Variants in CNTN3 observed in about 807,000 individuals in gnomAD.
The protein encoded by CNTN3 is contactin 3, also known as contactin-3.
Under a neutral mutation model 119.1 loss-of-function variants are expected in CNTN3, and 60 were observed. That is an observed-to-expected ratio of 0.50 (90% CI 0.41 to 0.62). The LOEUF (loss-of-function observed/expected upper bound fraction) is 0.62, where lower values mean the gene tolerates loss of function less well. Ranked by LOEUF, CNTN3 falls within the 20% of genes least tolerant of loss-of-function variation. The probability of loss-of-function intolerance (pLI) is 0.00; values close to 1 mark genes in which losing one functional copy is unlikely to be tolerated. For synonymous variants in CNTN3, 450 were observed against 438.7 expected (o/e 1.03, Z -0.32); for missense variants, 1,101 against 1,242.4 (o/e 0.89, Z 1.71).
At chr3:74,289,182 C>T (rs778290144) in intron 19 of CNTN3, among the ~76,000 whole-genome samples, 19 of 152,272 alleles carry the variant, frequency 1.2e-4, no homozygotes, top group Non-Finnish European at 2.4e-4. Context: ...TAAGAAAAGA[C>T]ATATTTTTAT....
intron 4 of CNTN3, among the ~76,000 whole-genome samples, chr3:74,436,845 A>G (rs544375634): frequency 1.3e-3 from 199 of 152,296 alleles, no homozygotes; most frequent in South Asian, 2.1e-3. Context: ...GCAAAGTAAA[A>G]CAGCAATTGG....
intron 2 of CNTN3, among the ~76,000 whole-genome samples, chr3:74,510,928 T>G (rs1186135962): frequency 6.6e-6 from 1 of 152,114 alleles, no homozygotes; most frequent in East Asian, 1.9e-4. Flanking sequence ...GCTTTTCAGA[T>G]AGAACCTGGG....
chr3:74,451,744 T>C (rs1702159931), intron 4 of CNTN3, among the ~76,000 whole-genome samples: 1 of 150,908 alleles, frequency 6.6e-6, no homozygotes, highest in Non-Finnish European at 1.5e-5. Flanking sequence ...GCTAGCCAGT[T>C]TTCCCAGCAC....
chr3:74,515,220 A>T (rs1337303762), intron 2 of CNTN3, among the ~76,000 whole-genome samples: 1 of 152,066 alleles, frequency 6.6e-6, no homozygotes, highest in East Asian at 1.9e-4. Flanking sequence ...CAGAACATAG[A>T]AAGTATGTGG....
intron 1 of CNTN3, among the ~76,000 whole-genome samples, chr3:74,537,104 C>A (rs1287379408): frequency 1.3e-5 from 2 of 151,878 alleles, no homozygotes; most frequent in East Asian, 1.9e-4. Flanking sequence ...GGAGGAGGAA[C>A]AATAGTACAA....
At chr3:74,526,765 T>C (rs1703625529) in intron 1 of CNTN3, among the ~76,000 whole-genome samples, 1 of 151,896 alleles carries the variant, frequency 6.6e-6, no homozygotes, top group Admixed American at 6.6e-5. Flanking sequence ...CGGCTGGAAG[T>C]CATCCCATGC....
At chr3:74,389,870 T>C (rs1471221697) in intron 5 of CNTN3, among the ~76,000 whole-genome samples, 2 of 152,128 alleles carry the variant, frequency 1.3e-5, no homozygotes, top group Non-Finnish European at 2.9e-5. Flanking sequence ...GAAACTACAA[T>C]TTAGATCCCA....
intron 4 of CNTN3, among the ~76,000 whole-genome samples, chr3:74,468,571 T>C (rs1388771115): frequency 2.0e-5 from 3 of 152,182 alleles, no homozygotes; most frequent in Non-Finnish European, 2.9e-5. Flanking sequence ...AATATCTTAA[T>C]TGAATTATCT....
At chr3:74,478,400 G>C (rs1436139223) in intron 4 of CNTN3, among the ~76,000 whole-genome samples, 1 of 152,086 alleles carries the variant, frequency 6.6e-6, no homozygotes, top group South Asian at 2.1e-4. Flanking sequence ...TCTCAAAAAA[G>C]GGTAAGGAGA....
intron 5 of CNTN3, among the ~76,000 whole-genome samples, chr3:74,401,273 A>G (rs1277650290): frequency 1.3e-5 from 2 of 152,216 alleles, no homozygotes; most frequent in African/African-American, 4.8e-5. Flanking sequence ...TTTAACCAAG[A>G]TTTTTAAATG....
At chr3:74,341,302 G>A (rs1296251666) in intron 11 of CNTN3, among the ~76,000 whole-genome samples, 2 of 152,150 alleles carry the variant, frequency 1.3e-5, no homozygotes, top group Admixed American at 1.3e-4. Flanking sequence ...GAGATTCAAA[G>A]TGAAAATTTT....
At chr3:74,607,496 G>A (rs1705012734) in intron 1 of CNTN3, among the ~76,000 whole-genome samples, 1 of 152,122 alleles carries the variant, frequency 6.6e-6, no homozygotes, top group South Asian at 2.1e-4. Context: ...CTGCCCTAGT[G>A]GCATCAAAAT....
At chr3:74,394,067 A>G (rs1455360826) in intron 5 of CNTN3, among the ~76,000 whole-genome samples, 1 of 152,168 alleles carries the variant, frequency 6.6e-6, no homozygotes, top group East Asian at 1.9e-4. Flanking sequence ...AGCCAAAAAG[A>G]AGAAGAATAA....
At chr3:74,353,812 C>T (rs945362857) in intron 11 of CNTN3, among the ~76,000 whole-genome samples, 1 of 151,992 alleles carries the variant, frequency 6.6e-6, no homozygotes, top group African/African-American at 2.4e-5. Flanking sequence ...AATTTAAATA[C>T]AGTATAATAC....
At chr3:74,605,530 C>T (rs1034153164) in intron 1 of CNTN3, among the ~76,000 whole-genome samples, 3 of 152,080 alleles carry the variant, frequency 2.0e-5, no homozygotes, top group Non-Finnish European at 4.4e-5. Flanking sequence ...TTGAATTTGA[C>T]CTGAGCTCAG....
At chr3:74,487,846 G>T (rs1006639376) in intron 3 of CNTN3, among the ~76,000 whole-genome samples, 1 of 151,776 alleles carries the variant, frequency 6.6e-6, no homozygotes, top group Non-Finnish European at 1.5e-5. Flanking sequence ...CTCAAGCAAT[G>T]GTGCATAAAA....
intron 2 of CNTN3, among the ~76,000 whole-genome samples, chr3:74,504,462 A>T (rs1203815144): frequency 6.6e-6 from 1 of 152,172 alleles, no homozygotes; most frequent in Non-Finnish European, 1.5e-5. Flanking sequence ...TAAAAGATGG[A>T]AACTTTTTTT....
At chr3:74,280,646 G>A (rs2106772006) in intron 20 of CNTN3, among the ~76,000 whole-genome samples, 1 of 152,310 alleles carries the variant, frequency 6.6e-6, no homozygotes, top group East Asian at 1.9e-4. Context: ...AGACAGTGAT[G>A]GAGAGAGTCA....
chr3:74,327,349 G>A (rs1703158814), intron 13 of CNTN3, among the ~76,000 whole-genome samples: 2 of 151,734 alleles, frequency 1.3e-5, no homozygotes, highest in South Asian at 2.1e-4. Flanking sequence ...GGCTGGTCTC[G>A]AACTCCTGAC....
Sources: allele counts gnomAD v4.1 joint callset (sites outside exome capture counted in the v4.1 genomes callset), GRCh38; gene constraint gnomAD v4.1.1; transcripts MANE v1.5; gene names NCBI Gene and HGNC (gene_info 2026-07-23, HGNC 2026-07-21).